CNTNAP2: variants seen among roughly 807,000 people sequenced by gnomAD.
CNTNAP2 encodes contactin associated protein 2.
A neutral mutation model predicts 155.2 loss-of-function variants in CNTNAP2; 98 were observed. The ratio of observed to expected loss-of-function variants is 0.63; its 90% CI spans 0.54 to 0.75. The LOEUF (loss-of-function observed/expected upper bound fraction) is 0.75, where lower values mean the gene tolerates loss of function less well. Among genes scored for constraint, CNTNAP2 ranks in the 30% least tolerant of loss-of-function variants. The pLI is 0.00. For synonymous variants in CNTNAP2, 651 were observed against 631.2 expected (o/e 1.03, Z -0.47); for missense variants, 1,727 against 1,688.1 (o/e 1.02, Z -0.40).
At chr7:147,330,709 T>C (rs1795545056) in intron 9 of CNTNAP2, among the ~76,000 whole-genome samples, 1 of 152,194 alleles carries the variant, frequency 6.6e-6, no homozygotes, top group African/African-American at 2.4e-5. Context: ...GTTTTACTAG[T>C]TGTACAAGTC....
chr7:146,365,966 T>C (rs1795149397), intron 1 of CNTNAP2, among the ~76,000 whole-genome samples: 1 of 152,172 alleles, frequency 6.6e-6, no homozygotes, highest in Non-Finnish European at 1.5e-5. Context: ...ATGCTATACA[T>C]TAAAACGTGT....
chr7:146,546,605 T>C (rs975805398), intron 1 of CNTNAP2, among the ~76,000 whole-genome samples: 2 of 151,872 alleles, frequency 1.3e-5, no homozygotes, highest in Admixed American at 6.6e-5. Context: ...CAGGTTGTAT[T>C]ACTCCATTCT....
At chr7:147,903,459 T>G (rs1345971870) in intron 13 of CNTNAP2, 106 bp from the exon 14 acceptor site, 1 of 1,226,558 alleles carries the variant, frequency 8.2e-7, no homozygotes, top group East Asian at 2.4e-5. Flanking sequence ...GAGGGTTGAG[T>G]GATGTTCAGA....
intron 2 of CNTNAP2, among the ~76,000 whole-genome samples, chr7:146,798,922 AT>A (rs1346266874): frequency 6.6e-6 from 1 of 152,168 alleles, no homozygotes; most frequent in Non-Finnish European, 1.5e-5. Flanking sequence ...TGCAAAAAAA[AT>A]ATTTTTGAGT....
At chr7:146,737,604 A>G (rs1408494609) in intron 1 of CNTNAP2, among the ~76,000 whole-genome samples, 1 of 152,154 alleles carries the variant, frequency 6.6e-6, no homozygotes, top group African/African-American at 2.4e-5. Flanking sequence ...CTTATGTGTA[A>G]CAAGTATAAG....
intron 20 of CNTNAP2, among the ~76,000 whole-genome samples, chr7:148,240,363 GAC>G (rs1364935137): frequency 6.6e-5 from 10 of 152,264 alleles, no homozygotes; most frequent in Admixed American, 4.6e-4. Context: ...TCCTCTAGAA[GAC>G]AGTTTGACAA....
chr7:147,592,213 A>G (rs1002844369), intron 12 of CNTNAP2, among the ~76,000 whole-genome samples: 1 of 152,206 alleles, frequency 6.6e-6, no homozygotes, highest in Non-Finnish European at 1.5e-5. Flanking sequence ...GAGTGAATGA[A>G]TAAATATATA....
chr7:147,480,470 G>A (rs1038968928), intron 10 of CNTNAP2, among the ~76,000 whole-genome samples: 1 of 152,188 alleles, frequency 6.6e-6, no homozygotes, highest in Non-Finnish European at 1.5e-5. Flanking sequence ...TGAGAATGCT[G>A]AACTTGATTT....
intron 17 of CNTNAP2, among the ~76,000 whole-genome samples, chr7:148,164,770 G>A (rs904578516): frequency 2.6e-5 from 4 of 151,462 alleles, no homozygotes; most frequent in Non-Finnish European, 5.9e-5. Flanking sequence ...ACAGGCAGAT[G>A]CCACCACATC....
At chr7:147,549,212 A>G (rs1300646421) in intron 11 of CNTNAP2, among the ~76,000 whole-genome samples, 1 of 152,200 alleles carries the variant, frequency 6.6e-6, no homozygotes, top group Non-Finnish European at 1.5e-5. Context: ...TTTTCATGAT[A>G]ATGATTCTTC....
At chr7:147,712,104 G>A (rs531285182) in intron 13 of CNTNAP2, among the ~76,000 whole-genome samples, 14 of 151,936 alleles carry the variant, frequency 9.2e-5, no homozygotes, top group Middle Eastern at 3.2e-3. Flanking sequence ...TCTTACTCAC[G>A]TTCCTTCAGG....
intron 8 of CNTNAP2, among the ~76,000 whole-genome samples, chr7:147,217,346 G>T (rs1803297101): frequency 6.6e-6 from 1 of 151,534 alleles, no homozygotes; most frequent in Admixed American, 6.6e-5. Flanking sequence ...GTTACTGATT[G>T]TTTTTATCAT....
At chr7:147,598,897 GAGA>G (rs1800882830) in intron 12 of CNTNAP2, among the ~76,000 whole-genome samples, 1 of 152,064 alleles carries the variant, frequency 6.6e-6, no homozygotes, top group Non-Finnish European at 1.5e-5. Context: ...CCACCATGTG[GAGA>G]AGGACATGTT....
intron 1 of CNTNAP2, among the ~76,000 whole-genome samples, chr7:146,411,842 A>T (rs985222588): frequency 7.5e-4 from 91 of 121,934 alleles, no homozygotes; most frequent in Middle Eastern, 8.9e-3. Flanking sequence ...TTATTTATTT[A>T]TTTATTTTAT....
chr7:148,028,791 T>C (rs1001084260), intron 15 of CNTNAP2, among the ~76,000 whole-genome samples: 2 of 152,092 alleles, frequency 1.3e-5, no homozygotes, highest in African/African-American at 2.4e-5. Flanking sequence ...CCTCAAAGCC[T>C]TCCAAACAGA....
chr7:148,343,827 C>A (rs564305674), intron 21 of CNTNAP2, among the ~76,000 whole-genome samples: 1 of 152,138 alleles, frequency 6.6e-6, no homozygotes, highest in African/African-American at 2.4e-5. Flanking sequence ...ATGAGTTCCC[C>A]GGAATCAAGC....
chr7:148,385,976 G>A (rs531893222), intron 22 of CNTNAP2, among the ~76,000 whole-genome samples: 6 of 152,138 alleles, frequency 3.9e-5, no homozygotes, highest in Admixed American at 2.6e-4. Context: ...TGATCCACCC[G>A]CCTAGGCCTC....
chr7:146,675,180 AT>A (rs1274592768), intron 1 of CNTNAP2, among the ~76,000 whole-genome samples: 1 of 148,944 alleles, frequency 6.7e-6, no homozygotes, highest in Non-Finnish European at 1.5e-5. Context: ...GAAAAAAAAA[AT>A]AATAAATGGG....
At chr7:147,011,811 C>T (rs535956792) in intron 3 of CNTNAP2, among the ~76,000 whole-genome samples, 346 of 152,280 alleles carry the variant, frequency 2.3e-3, no homozygotes, top group Non-Finnish European at 3.8e-3. Flanking sequence ...CTCTGACCTT[C>T]CTCGTTTGAT....
Sources: gnomAD v4.1 joint callset for allele counts (sites outside exome capture counted in the v4.1 genomes callset) on GRCh38, gnomAD v4.1.1 for gene constraint, MANE v1.5 for transcripts, NCBI Gene and HGNC (gene_info 2026-07-23, HGNC 2026-07-21) for gene names.